TM4SF5: variants seen among roughly 807,000 people sequenced by gnomAD.
TM4SF5 encodes the protein transmembrane 4 L six family member 5.
In TM4SF5, 16 loss-of-function variants were observed where a neutral mutation model predicts 22.3. The observed-to-expected ratio is 0.72, with a 90% confidence interval of 0.49 to 1.09. The LOEUF is 1.09. Among genes scored for constraint, TM4SF5 ranks in the 50% least tolerant of loss-of-function variants. The pLI is 0.00. For synonymous variants in TM4SF5, 113 were observed against 109.6 expected (o/e 1.03, Z -0.19); for missense variants, 249 against 266.1 (o/e 0.94, Z 0.45).
Position 4,772,246 on chromosome 17 carries a change from C to T in TM4SF5, c.177+147C>T, listed in dbSNP as rs533413510. On this transcript the variant is annotated intron_variant, in intron 1 of 4. Transcript: ENST00000270560. ...GTGGGGGCTAGCAGCCCTCTGGAGTCAGTCCTGGAGGAGCCCCAGGGTCCC... is the reference window on the plus strand; with the variant it reads ...GTGGGGGCTAGCAGCCCTCTGGAGTTAGTCCTGGAGGAGCCCCAGGGTCCC... The T allele has an allele frequency of 8.8e-6, 9 of 1,019,894 alleles. No homozygotes were observed. The Admixed American group carries it at 2.0e-4, about 23-fold the overall frequency. The allele number at this position is 1,019,894 out of a possible 1,614,324, so 63.2% of individuals were successfully genotyped here. A position where few individuals can be genotyped will look rare whatever the true frequency, so the allele number is the denominator to read the frequency against.
At chr17:4,774,676 G>A (rs1180805670) in intron 1 of TM4SF5, among the ~76,000 whole-genome samples, 1 of 152,214 alleles carries the variant, frequency 6.6e-6, no homozygotes, top group Non-Finnish European at 1.5e-5. Flanking sequence ...GGGAGGCTGA[G>A]GCAGGCGGAT....
intron 1 of TM4SF5, among the ~76,000 whole-genome samples, chr17:4,773,934 C>T (rs914337840): frequency 2.6e-5 from 4 of 152,102 alleles, no homozygotes; most frequent in Admixed American, 1.3e-4. Flanking sequence ...AAGCACCACC[C>T]GGTGGGCATG....
At chr17:4,778,813 T>C (rs911074388) in intron 1 of TM4SF5, among the ~76,000 whole-genome samples, 8 of 152,062 alleles carry the variant, frequency 5.3e-5, no homozygotes, top group African/African-American at 1.9e-4. Context: ...ATCCCAGCAC[T>C]TTGGGAGGCT....
Position 4,783,160 on chromosome 17 carries a change from C to T in TM4SF5, c.*32C>T. 6.4e-7 allele frequency: 1 copy of T among 1,574,580 alleles called. No homozygotes were observed. ...ACTGACCGCCGGGTTACACCTGCTC[C>T]TTCCTGGACGCTCACTCCCTTGCTC... On this transcript the variant is annotated 3_prime_UTR_variant, in exon 5 of 5. Transcript: ENST00000270560.
Position 4,782,853 on chromosome 17 carries a change from G to A in TM4SF5, c.396-1G>A, listed in dbSNP as rs201286082. 422 of 1,611,200 alleles carry A rather than the reference G, an allele frequency of 2.6e-4. No individual in the cohort carries two copies. The highest frequency in any genetic ancestry group is 3.5e-4 in the Non-Finnish European group (410 of 1,178,412). On this transcript the variant is annotated splice_acceptor_variant, in intron 3 of 4. Coordinates refer to ENST00000270560, the MANE Select transcript of TM4SF5 (RefSeq NM_003963.3). LOFTEE classifies it high-confidence loss of function. ...CCCACGTGGCCTCACCCCTCCCACA[G>A]GGGAGCTTACTTGCTCAACCGCACT...
At chr17:4,781,814 C>A (rs1917315021) in intron 2 of TM4SF5, among the ~76,000 whole-genome samples, 1 of 151,956 alleles carries the variant, frequency 6.6e-6, no homozygotes, top group Admixed American at 6.6e-5. Context: ...CGTGCCCAGC[C>A]TCGAGTCAGG....
At chr17:4,777,309 C>A (rs1917226023) in intron 1 of TM4SF5, among the ~76,000 whole-genome samples, 1 of 152,080 alleles carries the variant, frequency 6.6e-6, no homozygotes, top group Admixed American at 6.6e-5. Context: ...GAAATATGAG[C>A]TGATTCAGGC....
At position 4,782,510 on chromosome 17, in the gene TM4SF5, G is replaced by C. The variant is rs1220416296; in HGVS notation, c.266G>C (p.Arg89Pro). Reference sequence around the variant, plus strand: ...CTTCCACACCACATCCAGATGCTGCGCTCGGTCTTCTCCTCGGCGTTCGGG... The same window carrying C: ...CTTCCACACCACATCCAGATGCTGCCCTCGGTCTTCTCCTCGGCGTTCGGG... ...GCCGNRCRML[R>P]SVFSSAFGVL... is the part of the protein sequence containing the mutation. The change falls in exon 3 of 5, where the codon CGC (arginine) becomes CCC (proline). Residue 89 changes from arginine (R) to proline (P), a missense_variant. Arg to Pro is a moderately radical substitution (Grantham distance 103, BLOSUM62 -2). Coordinates refer to ENST00000270560, the MANE Select transcript of TM4SF5 (RefSeq NM_003963.3). 1 of 1,614,034 alleles carries C rather than the reference G, an allele frequency of 6.2e-7. No individual in the cohort carries two copies. Among genetic ancestry groups the C allele is most frequent in the Non-Finnish European group, 8.5e-7 (1 of 1,180,008 alleles).
Position 4,778,982 on chromosome 17 carries a change from G to T in TM4SF5, c.178-1807G>T, listed in dbSNP as rs190380605. 1.8e-3 allele frequency among the ~76,000 whole-genome samples: 275 copies of T among 148,844 alleles called. 1 individual carries two copies. The highest frequency in any genetic ancestry group is 2.3e-3 in the Non-Finnish European group (156 of 66,878). On this transcript the variant is annotated intron_variant, in intron 1 of 4. Coordinates refer to ENST00000270560, the MANE Select transcript of TM4SF5 (RefSeq NM_003963.3). ...TGAGGCAGGAGAATCACTTGAACCT[G>T]GGAGGTGGAGGTTGCAGTGAGCCAA...
Position 4,782,620 on chromosome 17 carries a change from T to C in TM4SF5, c.376T>C (p.Tyr126His), listed in dbSNP as rs1359537536. 6.2e-7 allele frequency: 1 copy of C among 1,614,108 alleles called. No individual in the cohort carries two copies. The highest frequency in any genetic ancestry group is 1.1e-5 in the South Asian group (1 of 91,080). The stretch of plus-strand genomic sequence containing the variant: ...ATGCTTAATGAACGGCGAGTGGGGC[T>C]ACCACTTCGAAGACACCGCGTAAGG... The part of the protein sequence containing the change: ...PRCLMNGEWG[Y>H]HFEDTAGAYL... Residue 126 changes from tyrosine to histidine, a missense_variant, in exon 3 of 5, where the codon TAC (tyrosine) becomes CAC (histidine). Transcript: ENST00000270560.
At position 4,782,579 on chromosome 17, in the gene TM4SF5, T is replaced by C; in HGVS notation, c.335T>C (p.Leu112Pro). Residue 112 changes from leucine to proline, a missense_variant, in exon 3 of 5, where the codon CTC (leucine) becomes CCC (proline). By Grantham distance (98) the Leu-to-Pro change is moderately conservative. Transcript: ENST00000270560. ...TGCCTCTCGGTGTCTGGAGCTGGGC[T>C]CCGAAATGGACCCAGATGCTTAATG... ...IYCLSVSGAG[L>P]RNGPRCLMNG... The C allele has an allele frequency of 6.2e-7, 1 of 1,614,012 alleles. No individual in the cohort carries two copies. The highest frequency in any genetic ancestry group is 8.5e-7 in the Non-Finnish European group (1 of 1,179,976).
chr17:4,771,900 C>T lies in TM4SF5; in HGVS notation c.-23C>T. 6.2e-7 allele frequency: 1 copy of T among 1,613,780 alleles called. No homozygotes were observed. The highest frequency in any genetic ancestry group is 8.5e-7 in the Non-Finnish European group (1 of 1,179,814). ...ACCACTGGCTTACTTTCACTCACCG[C>T]CTGTCCTTCCTGACACCTCACCATG... On this transcript the variant is annotated 5_prime_UTR_variant, in exon 1 of 5. Coordinates refer to ENST00000270560, the MANE Select transcript of TM4SF5 (RefSeq NM_003963.3).
intron 1 of TM4SF5, among the ~76,000 whole-genome samples, chr17:4,773,392 C>T (rs1567706988): frequency 6.6e-6 from 1 of 152,148 alleles, no homozygotes; most frequent in Non-Finnish European, 1.5e-5. Flanking sequence ...AATTTACTAA[C>T]CCCCATCTTC....
intron 2 of TM4SF5, among the ~76,000 whole-genome samples, chr17:4,781,795 G>A (rs1408208115): frequency 6.6e-6 from 1 of 152,072 alleles, no homozygotes; most frequent in Non-Finnish European, 1.5e-5. Context: ...GATTACAGGT[G>A]TGAGATATCG....
chr17:4,778,070 A>G (rs1046091010), intron 1 of TM4SF5, among the ~76,000 whole-genome samples: 1 of 152,076 alleles, frequency 6.6e-6, no homozygotes, highest in African/African-American at 2.4e-5. Flanking sequence ...ACCTCAGACA[A>G]GTAGATCATT....
In TM4SF5 at chr17:4,783,136, C is replaced by T. The variant is rs1917350835; in HGVS notation, c.*8C>T. The T allele has an allele frequency of 2.5e-6, 4 of 1,613,548 alleles. No individual in the cohort carries two copies. In the South Asian group the frequency reaches 3.3e-5, roughly 13 times the overall value. ...CAGGACACACCTCACTGAGGCTCCA[C>T]TGACCGCCGGGTTACACCTGCTCCT... On this transcript the variant is annotated 3_prime_UTR_variant, in exon 5 of 5. Coordinates refer to ENST00000270560, the MANE Select transcript of TM4SF5 (RefSeq NM_003963.3).
intron 1 of TM4SF5, among the ~76,000 whole-genome samples, chr17:4,774,492 C>A (rs540828795): frequency 1.5e-4 from 22 of 148,530 alleles, no homozygotes; most frequent in South Asian, 4.3e-4. Flanking sequence ...TTGCAGTGAG[C>A]TATGACCACG....
chr17:4,782,366 A>C, intron 2 of TM4SF5, 137 bp from the exon 3 acceptor site: 1 of 1,067,438 alleles, frequency 9.4e-7, no homozygotes. Context: ...GGGGTGAGCC[A>C]CCGCGCCCGG....
intron 1 of TM4SF5, among the ~76,000 whole-genome samples, chr17:4,779,413 A>G (rs963978369): frequency 2.0e-5 from 3 of 152,132 alleles, no homozygotes; most frequent in African/African-American, 4.8e-5. Context: ...TGGGTGGCAG[A>G]GTGAGACCCT....
Sources: allele counts gnomAD v4.1 joint callset (sites outside exome capture counted in the v4.1 genomes callset), GRCh38; gene constraint gnomAD v4.1.1; transcripts MANE v1.5; gene names NCBI Gene and HGNC (gene_info 2026-07-23, HGNC 2026-07-21).